KRR1: variants seen among roughly 807,000 people sequenced by gnomAD.
The protein encoded by KRR1 is KRR1 small subunit processome component.
A neutral mutation model predicts 50.0 loss-of-function variants in KRR1; 23 were observed. The ratio of observed to expected loss-of-function variants is 0.46; its 90% CI spans 0.33 to 0.65. The LOEUF (loss-of-function observed/expected upper bound fraction) is 0.65. Among genes scored for constraint, KRR1 ranks in the 30% least tolerant of loss-of-function variants. The probability of loss-of-function intolerance (pLI) is 0.02; values close to 1 mark genes in which losing one functional copy is unlikely to be tolerated. For missense variants in KRR1, 419 were observed against 442.4 expected, an observed-to-expected ratio of 0.95 and a Z score of 0.47; for synonymous variants, 133 against 146.3, an observed-to-expected ratio of 0.91 and a Z score of 0.66.
chr12:75,505,065 AATTTACCCAAAATAGCTC>A, intron 6 of KRR1, 115 bp downstream of exon 6: 1 of 933,614 alleles, frequency 1.1e-6, no homozygotes, highest in Non-Finnish European at 1.6e-6. Flanking sequence ...GTCTACCCCT[AATTTACCCAAAATAGCTC>A]TGCTTTATCT....
Position 75,506,362 on chromosome 12 carries a change from T to C in KRR1, c.557A>G (p.Gln186Arg), listed in dbSNP as rs148121880. 9 of 1,612,204 alleles carry C rather than the reference T, an allele frequency of 5.6e-6. No homozygotes were observed. Among genetic ancestry groups the C allele is most frequent in the Middle Eastern group, 1.7e-4 (1 of 5,994 alleles). Residue 186 changes from glutamine (Q) to arginine (R), a missense_variant, in exon 5 of 10, where the codon CAG (glutamine) becomes CGG (arginine). By Grantham distance (43) the Gln-to-Arg change is conservative (BLOSUM62 1). Transcript: ENST00000229214. ...ELLTNCYIMV[Q>R]GNTVSAIGPF... Reference sequence around the variant, plus strand: ...TCCAATGGCTGAAACTGTGTTTCCCTGAACCATAATGTAACAATTAGTTAA... The same window carrying C: ...TCCAATGGCTGAAACTGTGTTTCCCCGAACCATAATGTAACAATTAGTTAA...
rs778344000 is a variant in KRR1 at position 75,505,184 on chromosome 12, T to C, written c.660+14A>G. ...TGATAATCACTGGTACAGTTATATA[T>C]AATTACCACTCACTTTAATGTTATA... On this transcript the variant is annotated intron_variant, in intron 6 of 9. Transcript: ENST00000229214. 8 of 1,539,912 alleles carry C rather than the reference T, an allele frequency of 5.2e-6. No homozygotes were observed. In the Admixed American group the frequency reaches 1.5e-4, roughly 29 times the overall value.
rs748434419 is a variant in KRR1, at chr12:75,498,859, T to C, written c.*950A>G. 1.9e-6 allele frequency: 3 copies of C among 1,612,064 alleles called. No homozygotes were observed. Among genetic ancestry groups the C allele is most frequent in the Non-Finnish European group, 1.7e-6 (2 of 1,178,562 alleles). On this transcript the variant is annotated 3_prime_UTR_variant, in exon 10 of 10. Coordinates refer to ENST00000229214, the MANE Select transcript of KRR1 (RefSeq NM_007043.7). ...TGTTGTATATCCAGGCTGGCCCATA[T>C]ATCCACGTAACAGATACACTTCTCT...
chr12:75,503,076 AATG>A (rs1406757312), intron 7 of KRR1: 1 of 152,154 alleles, frequency 6.6e-6, no homozygotes, highest in African/African-American at 2.4e-5. Flanking sequence ...GGAAGGGAAT[AATG>A]AAGCAAGAAC....
chr12:75,500,486 C>T (rs1430572783), intron 9 of KRR1: 2 of 104,602 alleles, frequency 1.9e-5, no homozygotes, highest in African/African-American at 5.3e-5. Flanking sequence ...ATTGAATATT[C>T]AATGAATTAA....
At position 75,492,384 on chromosome 12, in the gene KRR1, A is replaced by G. The variant is rs1354170122; in HGVS notation, c.*7425T>C. The G allele has an allele frequency of 6.6e-6, 1 of 152,214 alleles. No individual in the cohort carries two copies. The highest frequency in any genetic ancestry group is 2.4e-5 in the African/African-American group (1 of 41,448). The allele number at this position is 152,214 out of a possible 1,614,324, so 9.4% of individuals were successfully genotyped here. On this transcript the variant is annotated 3_prime_UTR_variant, in exon 10 of 10. Transcript: ENST00000229214. ...GGCATGAGCCACTACACCCGGCCTC[A>G]TATGACATTTTTAATGGTTAAGATA... is the stretch of plus-strand genomic sequence containing the variant.
At chr12:75,509,285 A>T (rs1048029242) in intron 1 of KRR1, among the ~76,000 whole-genome samples, 1 of 152,224 alleles carries the variant, frequency 6.6e-6, no homozygotes, top group Non-Finnish European at 1.5e-5. Context: ...AGTCTGTCAG[A>T]AATGCAATTA....
At position 75,506,560 on chromosome 12, in the gene KRR1, C is replaced by T. The variant is rs780120414; in HGVS notation, c.443G>A (p.Gly148Asp). 23 of 1,575,108 alleles carry T rather than the reference C, an allele frequency of 1.5e-5. No homozygotes were observed. The highest frequency in any genetic ancestry group is 2.0e-5 in the Non-Finnish European group (23 of 1,159,554). The change falls in exon 4 of 10, where the codon GGT (glycine) becomes GAT (aspartate). Residue 148 changes from glycine to aspartate, a missense_variant. Transcript: ENST00000229214. Reference protein sequence around the residue: ...DDVACDIIKIGSLVRNKERFV... With the variant: ...DDVACDIIKIDSLVRNKERFV... ...TCTCTCTTTATTCCTTACTAAAGAA[C>T]CTATTTTAATGATGTCACATGCAAC...
Position 75,499,578 on chromosome 12 carries a change from A to C in KRR1, c.*231T>G. 3.9e-6 allele frequency: 1 copy of C among 255,442 alleles called. No individual in the cohort carries two copies. 15.8% of individuals were successfully genotyped at this position (255,442 alleles called of 1,614,324 possible). Reference sequence around the variant, plus strand: ...GCATCAGACACTGGATTTAATGGATAATCACAATGGTCGTAATGTATACAA... The same window carrying C: ...GCATCAGACACTGGATTTAATGGATCATCACAATGGTCGTAATGTATACAA... On this transcript the variant is annotated 3_prime_UTR_variant, in exon 10 of 10. Coordinates refer to ENST00000229214, the MANE Select transcript of KRR1 (RefSeq NM_007043.7).
chr12:75,499,747 T>C lies in KRR1; in HGVS notation c.*62A>G. On this transcript the variant is annotated 3_prime_UTR_variant, in exon 10 of 10. Coordinates refer to ENST00000229214, the MANE Select transcript of KRR1 (RefSeq NM_007043.7). ...AATTTCTCACAAATAAGGCAACTAA[T>C]GCCTGATATCTCAAAATCCTTTACA... is the stretch of plus-strand genomic sequence containing the variant. 1 of 1,325,148 alleles carries C rather than the reference T, an allele frequency of 7.5e-7. No individual in the cohort carries two copies. The highest frequency in any genetic ancestry group is 1.0e-6 in the Non-Finnish European group (1 of 981,548). 82.1% of individuals were successfully genotyped at this position (1,325,148 alleles called of 1,614,324 possible). A position where few individuals can be genotyped will look rare whatever the true frequency, so the allele number is the denominator to read the frequency against.
rs1248221438 is a variant in KRR1 at position 75,492,245 on chromosome 12, T to A, written c.*7564A>T. ...CTGAGACTACAGGCACATGCCACCA[T>A]GCCCAGTTAATTTTTTTGTAGAGAC... On this transcript the variant is annotated 3_prime_UTR_variant, in exon 10 of 10. Coordinates refer to ENST00000229214, the MANE Select transcript of KRR1 (RefSeq NM_007043.7). 4 of 152,192 alleles carry A rather than the reference T, an allele frequency of 2.6e-5. No individual in the cohort carries two copies. Among genetic ancestry groups the A allele is most frequent in the African/African-American group, 9.7e-5 (4 of 41,416 alleles). The allele number at this position is 152,192 out of a possible 1,614,324, so 9.4% of individuals were successfully genotyped here.
chr12:75,509,457 C>T (rs550167513), intron 1 of KRR1, among the ~76,000 whole-genome samples: 1 of 152,260 alleles, frequency 6.6e-6, no homozygotes, highest in Admixed American at 6.5e-5. Context: ...TCTGCTTATA[C>T]TCACATCCAC....
In KRR1 at chr12:75,506,921, A is replaced by AC. The variant is rs764050351; in HGVS notation, c.259-6_259-5insG. 4 of 1,586,096 alleles carry AC rather than the reference A, an allele frequency of 2.5e-6. No individual in the cohort carries two copies. The Admixed American group carries it at 7.7e-5, about 30-fold the overall frequency. ...GTCCAGGGTTGCATTAACATGCTAC[A>AC]GAAGGAAAGAGCAAACAAGCAGTTG... is the stretch of plus-strand genomic sequence containing the variant. On this transcript the variant is annotated splice_polypyrimidine_tract_variant and splice_region_variant and intron_variant, in intron 2 of 9. Coordinates refer to ENST00000229214, the MANE Select transcript of KRR1 (RefSeq NM_007043.7).
chr12:75,503,880 T>C (rs1242482132), intron 7 of KRR1, 24 bp downstream of exon 7: 1 of 1,560,812 alleles, frequency 6.4e-7, no homozygotes, highest in Non-Finnish European at 8.7e-7. Flanking sequence ...CTCCTTCATA[T>C]GAAGTTCTAC....
Position 75,499,902 on chromosome 12 carries a change from C to CTTAACCTTTTCCT in KRR1, c.1040_1052dup (p.Lys352GlyfsTer4). On this transcript the variant is annotated stop_gained and frameshift_variant, in exon 10 of 10. Transcript: ENST00000229214. LOFTEE classifies it high-confidence loss of function. ...CTCCCAGTTTCTTATTCTTTGCTTT[C>CTTAACCTTTTCCT]TTAACCTTTTCCTTGATGCTGGCCA... 6.2e-7 allele frequency: 1 copy of CTTAACCTTTTCCT among 1,609,338 alleles called. No homozygotes were observed. The highest frequency in any genetic ancestry group is 8.5e-7 in the Non-Finnish European group (1 of 1,178,004).
At chr12:75,509,279 T>C (rs1169621792) in intron 1 of KRR1, among the ~76,000 whole-genome samples, 2 of 152,208 alleles carry the variant, frequency 1.3e-5, no homozygotes, top group African/African-American at 4.8e-5. Context: ...ACTGTAAGTC[T>C]GTCAGAAATG....
chr12:75,511,471 A>G (rs183262443), intron 1 of KRR1, 42 bp downstream of exon 1: 257 of 1,546,570 alleles, frequency 1.7e-4, no homozygotes, highest in Non-Finnish European at 2.2e-4. Context: ...ATCGCAACTC[A>G]ACGTACACAA....
chr12:75,503,921 G>A lies in KRR1; in HGVS notation c.814C>T (p.Pro272Ser). Residue 272 changes from proline (P) to serine (S), a missense_variant, in exon 7 of 10, where the codon CCA (proline) becomes TCA (serine). Coordinates refer to ENST00000229214, the MANE Select transcript of KRR1 (RefSeq NM_007043.7). ...VKKEYTPFPPPQPESQIDKEL... is the reference protein window; with the variant it reads ...VKKEYTPFPPSQPESQIDKEL... ...GTACTAACCTGACTTTCTGGTTGTG[G>A]TGGTGGGAATGGCGTATATTCTTTC... 6.2e-7 allele frequency: 1 copy of A among 1,608,778 alleles called. No homozygotes were observed. The highest frequency in any genetic ancestry group is 8.5e-7 in the Non-Finnish European group (1 of 1,177,124).
intron 1 of KRR1, among the ~76,000 whole-genome samples, chr12:75,509,990 T>C (rs1332858537): frequency 6.6e-6 from 1 of 151,930 alleles, no homozygotes; most frequent in Non-Finnish European, 1.5e-5. Flanking sequence ...GGAAAAAAAC[T>C]GACAAAAGAA....
Sources: allele counts gnomAD v4.1 joint callset (sites outside exome capture counted in the v4.1 genomes callset), GRCh38; gene constraint gnomAD v4.1.1; transcripts MANE v1.5; gene names NCBI Gene and HGNC (gene_info 2026-07-23, HGNC 2026-07-21).